PDE1C: variants seen among roughly 807,000 people sequenced by gnomAD.
The protein encoded by PDE1C is phosphodiesterase 1C, also known as dual specificity calcium/calmodulin-dependent 3',5'-cyclic nucleotide phosphodiesterase 1C.
Under a neutral mutation model 93.1 loss-of-function variants are expected in PDE1C, and 62 were observed. That is an observed-to-expected ratio of 0.67 (90% CI 0.54 to 0.82). The LOEUF is 0.82. Among genes scored for constraint, PDE1C ranks in the 40% least tolerant of loss-of-function variants. The pLI is 0.00. For missense variants in PDE1C, 742 were observed against 884.6 expected (o/e 0.84, Z 2.04); for synonymous variants, 325 against 310.1 (o/e 1.05, Z -0.50).
At chr7:32,212,346 G>A (rs1192017878) in intron 1 of PDE1C, among the ~76,000 whole-genome samples, 1 of 152,142 alleles carries the variant, frequency 6.6e-6, no homozygotes, top group Non-Finnish European at 1.5e-5. Context: ...TGCTGACCCA[G>A]ATCCAAGTCA....
chr7:32,393,995 T>C (rs988179000), intron 1 of PDE1C, among the ~76,000 whole-genome samples: 1 of 152,148 alleles, frequency 6.6e-6, no homozygotes, highest in African/African-American at 2.4e-5. Flanking sequence ...TTTTTTAAGA[T>C]TGATAAAAGA....
intron 1 of PDE1C, among the ~76,000 whole-genome samples, chr7:32,057,505 T>C (rs886506552): frequency 7.2e-5 from 11 of 152,288 alleles, no homozygotes; most frequent in African/African-American, 2.4e-4. Context: ...GATTCTGAAA[T>C]AGGAGCATCA....
rs538453714 is a variant in PDE1C at position 31,931,839 on chromosome 7, T to C, written c.129-50979A>G. On this transcript the variant is annotated intron_variant, in intron 2 of 17. Transcript: ENST00000396191. ...CATCACACTACCTGACTTCAAACTA[T>C]ACTACAAGGCTACAGTAACCAAAAC... is the stretch of plus-strand genomic sequence containing the variant. Among the ~76,000 whole-genome samples, 3 of 152,172 alleles carry C rather than the reference T, an allele frequency of 2.0e-5. 1 individual carries two copies. In the South Asian group the frequency reaches 6.2e-4, roughly 32 times the overall value.
At position 32,361,537 on chromosome 7, in the gene PDE1C, C is replaced by T. The variant is rs187582161; in HGVS notation, c.310+66285G>A. 6.2e-4 allele frequency among the ~76,000 whole-genome samples: 95 copies of T among 152,310 alleles called. 1 individual carries two copies. Among genetic ancestry groups the T allele is most frequent in the African/African-American group, 2.2e-3 (93 of 41,564 alleles). On this transcript the variant is annotated intron_variant, in intron 1 of 1. Coordinates refer to the PDE1C transcript ENST00000672256. ...CTTCCCACGCCCTGCGCACACTGCC[C>T]CTGACCCTCGCACATGCCACGCATG...
chr7:32,353,882 A>G (rs1783979970), intron 1 of PDE1C, among the ~76,000 whole-genome samples: 2 of 152,198 alleles, frequency 1.3e-5, no homozygotes. Flanking sequence ...ACTGAATATC[A>G]TGACATCAAT....
chr7:31,726,199 G>T, the PDE1C span, among the ~76,000 whole-genome samples: 3 of 152,146 alleles, frequency 2.0e-5, no homozygotes, highest in African/African-American at 7.2e-5. Flanking sequence ...CTCCCAAGAA[G>T]TTAGGACTGC....
chr7:31,785,820 G>A (rs1783867266), intron 16 of PDE1C: 2 of 152,190 alleles, frequency 1.3e-5, no homozygotes, highest in Non-Finnish European at 2.9e-5. Flanking sequence ...TGGTGAGAGA[G>A]AGGAAACCTT....
chr7:31,814,914 T>A (rs1788037058), intron 15 of PDE1C, among the ~76,000 whole-genome samples: 1 of 151,744 alleles, frequency 6.6e-6, no homozygotes, highest in Non-Finnish European at 1.5e-5. Context: ...GACTGCTAAA[T>A]TACCTTGCTA....
At chr7:31,803,025 C>T (rs938486625) in intron 16 of PDE1C, among the ~76,000 whole-genome samples, 2 of 151,748 alleles carry the variant, frequency 1.3e-5, no homozygotes, top group African/African-American at 4.8e-5. Flanking sequence ...CTGGGGATTC[C>T]AAGTACACAT....
chr7:31,926,292 T>C (rs1006282337), intron 2 of PDE1C, among the ~76,000 whole-genome samples: 34 of 152,332 alleles, frequency 2.2e-4, no homozygotes, highest in African/African-American at 7.9e-4. Flanking sequence ...AATGCCAATG[T>C]TCAAACCTAC....
At chr7:32,024,038 G>A (rs939483748) in intron 2 of PDE1C, among the ~76,000 whole-genome samples, 1 of 152,056 alleles carries the variant, frequency 6.6e-6, no homozygotes, top group Non-Finnish European at 1.5e-5. Context: ...ATTTCTTTGT[G>A]AGCCTCTATG....
At chr7:32,039,512 T>A (rs538278062) in intron 2 of PDE1C, among the ~76,000 whole-genome samples, 1 of 152,316 alleles carries the variant, frequency 6.6e-6, no homozygotes, top group East Asian at 1.9e-4. Flanking sequence ...TCCATTTATG[T>A]ACATACCAGA....
intron 3 of PDE1C, among the ~76,000 whole-genome samples, chr7:32,120,946 G>A (rs32295): frequency 0.13 from 20,275 of 152,120 alleles, 1,789 homozygotes; most frequent in Non-Finnish European, 0.19. Context: ...CTAAAGGAGC[G>A]TGTTCTAATC....
At chr7:31,925,173 A>G (rs1244718810) in intron 2 of PDE1C, among the ~76,000 whole-genome samples, 9 of 151,924 alleles carry the variant, frequency 5.9e-5, no homozygotes, top group Non-Finnish European at 1.3e-4. Flanking sequence ...ATTTCTTTAA[A>G]CAGAGCCCCC....
the PDE1C span, among the ~76,000 whole-genome samples, chr7:31,679,065 T>C: frequency 2.0e-5 from 3 of 152,198 alleles, no homozygotes; most frequent in Non-Finnish European, 4.4e-5. Context: ...TATAATCTAG[T>C]AAAAACTACA....
intron 2 of PDE1C, among the ~76,000 whole-genome samples, chr7:31,986,222 G>A (rs74331437): frequency 0.012 from 1,799 of 152,160 alleles, 32 homozygotes; most frequent in African/African-American, 0.041. Flanking sequence ...CCTAGCTTCT[G>A]GTGGTTTCTG....
intron 1 of PDE1C, among the ~76,000 whole-genome samples, chr7:32,336,445 T>C (rs1375486397): frequency 6.6e-6 from 1 of 152,148 alleles, no homozygotes; most frequent in Non-Finnish European, 1.5e-5. Flanking sequence ...GTGTAAAAAA[T>C]GGAAAAATGA....
At chr7:32,157,173 TAA>T (rs1801624127) in intron 3 of PDE1C, among the ~76,000 whole-genome samples, 1 of 152,242 alleles carries the variant, frequency 6.6e-6, no homozygotes, top group African/African-American at 2.4e-5. Flanking sequence ...CTGTTTCAGT[TAA>T]AAGAGACTAT....
At chr7:31,757,967 A>G (rs1459261744) in intron 17 of PDE1C, among the ~76,000 whole-genome samples, 29 of 152,232 alleles carry the variant, frequency 1.9e-4, no homozygotes, top group Admixed American at 1.8e-3. Context: ...CTATGCAGCC[A>G]TAAAAAAGGA....
Sources: allele counts gnomAD v4.1 joint callset (sites outside exome capture counted in the v4.1 genomes callset), GRCh38; gene constraint gnomAD v4.1.1; transcripts MANE v1.5; gene names NCBI Gene and HGNC (gene_info 2026-07-23, HGNC 2026-07-21).